Variants in APBB2 observed in about 807,000 individuals in gnomAD.
APBB2 encodes amyloid beta precursor protein binding family B member 2.
In APBB2, 38 loss-of-function variants were observed where a neutral mutation model predicts 82.5. The ratio of observed to expected loss-of-function variants is 0.46; its 90% CI spans 0.36 to 0.60. APBB2 has a LOEUF of 0.60. Ranked by LOEUF, APBB2 falls within the 20% of genes least tolerant of loss-of-function variation. The pLI, the probability that APBB2 is intolerant of heterozygous loss-of-function variation, is 0.00. For missense variants in APBB2, 772 were observed against 972.3 expected (o/e 0.79, Z 2.74); for synonymous variants, 341 against 368.2 (o/e 0.93, Z 0.85).
chr4:40,862,843 T>G, intron 12 of APBB2, among the ~76,000 whole-genome samples: 3 of 123,322 alleles, frequency 2.4e-5, no homozygotes, highest in South Asian at 2.5e-4. Flanking sequence ...TGGGCGAGAG[T>G]GAGACTCCAT....
At chr4:41,200,101 A>G (rs1470416576) in intron 1 of APBB2, among the ~76,000 whole-genome samples, 1 of 152,224 alleles carries the variant, frequency 6.6e-6, no homozygotes, top group Non-Finnish European at 1.5e-5. Context: ...AAATGAATAT[A>G]TTACGCTAGC....
chr4:41,017,388 T>A lies in APBB2; in HGVS notation c.20-2990A>T, dbSNP rs115069059. 2.7e-3 allele frequency among the ~76,000 whole-genome samples: 415 copies of A among 152,128 alleles called. 4 individuals carry two copies. The highest frequency in any genetic ancestry group is 9.5e-3 in the African/African-American group (392 of 41,480). ...TAGGAAGTCCTTGGGCTCAAAAGGG[T>A]CATGAAGTAGCTACAGGTTAGCAAA... On this transcript the variant is annotated intron_variant, in intron 5 of 17. Transcript: ENST00000508593.
chr4:40,952,517 C>T (rs574567728), intron 6 of APBB2, among the ~76,000 whole-genome samples: 1 of 152,086 alleles, frequency 6.6e-6, no homozygotes, highest in South Asian at 2.1e-4. Flanking sequence ...CCTCATTCTC[C>T]ATTTTTAAGT....
At chr4:40,892,632 C>G (rs941689141) in intron 11 of APBB2, 2 of 152,216 alleles carry the variant, frequency 1.3e-5, no homozygotes, top group African/African-American at 4.8e-5. Context: ...CCACAGGTCT[C>G]AGAGCACACC....
intron 12 of APBB2, among the ~76,000 whole-genome samples, chr4:40,845,141 G>A (rs1234472318): frequency 6.6e-6 from 1 of 152,190 alleles, no homozygotes; most frequent in Non-Finnish European, 1.5e-5. Context: ...AACACTGCTT[G>A]ATTTAAGTAT....
chr4:40,896,523 T>C (rs895723009), intron 10 of APBB2, among the ~76,000 whole-genome samples: 4 of 152,040 alleles, frequency 2.6e-5, no homozygotes, highest in Non-Finnish European at 5.9e-5. Context: ...CTTCAGAGGG[T>C]TTTCATGAGG....
chr4:40,888,050 AC>A (rs1359248639), intron 12 of APBB2, among the ~76,000 whole-genome samples: 2 of 151,606 alleles, frequency 1.3e-5, no homozygotes, highest in Non-Finnish European at 1.5e-5. Flanking sequence ...CTGCGGTCTG[AC>A]TCCTCTCCGA....
intron 12 of APBB2, among the ~76,000 whole-genome samples, chr4:40,851,405 T>TA (rs935056971): frequency 1.3e-5 from 2 of 152,192 alleles, no homozygotes; most frequent in Non-Finnish European, 2.9e-5. Context: ...TGATGGCTCT[T>TA]ACAGTGTTTT....
At chr4:41,009,044 T>C (rs1227993769) in intron 6 of APBB2, among the ~76,000 whole-genome samples, 1 of 152,238 alleles carries the variant, frequency 6.6e-6, no homozygotes, top group Non-Finnish European at 1.5e-5. Context: ...TAAAATTACA[T>C]GTGGGTACCA....
chr4:41,126,343 T>C (rs1395482399), intron 2 of APBB2, among the ~76,000 whole-genome samples: 1 of 152,026 alleles, frequency 6.6e-6, no homozygotes, highest in African/African-American at 2.4e-5. Context: ...GTTTCACACC[T>C]CTGCACTCCA....
At chr4:41,050,530 A>G (rs1725556646) in intron 4 of APBB2, among the ~76,000 whole-genome samples, 2 of 152,180 alleles carry the variant, frequency 1.3e-5, no homozygotes, top group Non-Finnish European at 1.5e-5. Flanking sequence ...AGTTCCCTTC[A>G]TCTTTCCTAT....
At chr4:40,882,950 G>A (rs1407939527) in intron 12 of APBB2, among the ~76,000 whole-genome samples, 1 of 152,168 alleles carries the variant, frequency 6.6e-6, no homozygotes, top group African/African-American at 2.4e-5. Context: ...GGTGTGAACG[G>A]AATGTGAGTG....
intron 7 of APBB2, chr4:40,935,749 A>G (rs934976245): frequency 1.3e-5 from 2 of 152,208 alleles, no homozygotes; most frequent in African/African-American, 4.8e-5. Flanking sequence ...TCTCTAATTC[A>G]TAAAAGCTCT....
intron 1 of APBB2, among the ~76,000 whole-genome samples, chr4:41,152,631 A>C (rs530212291): frequency 4.6e-5 from 7 of 152,206 alleles, no homozygotes; most frequent in Admixed American, 4.6e-4. Context: ...CCCGGCCTTC[A>C]CTTGTTTCTG....
intron 12 of APBB2, among the ~76,000 whole-genome samples, chr4:40,855,931 T>G (rs992640895): frequency 3.9e-5 from 6 of 152,202 alleles, no homozygotes; most frequent in African/African-American, 1.4e-4. Flanking sequence ...ATTCTGCTTC[T>G]AACTTCTTAG....
chr4:40,827,064 T>C (rs1293705735), intron 14 of APBB2, 68 bp downstream of exon 14: 6 of 1,421,498 alleles, frequency 4.2e-6, no homozygotes, highest in Non-Finnish European at 4.9e-6. Context: ...GAGAACCATC[T>C]GAGAGCCTTC....
intron 4 of APBB2, among the ~76,000 whole-genome samples, chr4:41,039,281 A>T (rs1230679407): frequency 6.6e-6 from 1 of 152,240 alleles, no homozygotes; most frequent in Non-Finnish European, 1.5e-5. Flanking sequence ...AAATTCAAGT[A>T]GTGGACCCCT....
At chr4:40,977,758 A>G (rs1458309478) in intron 6 of APBB2, among the ~76,000 whole-genome samples, 1 of 152,240 alleles carries the variant, frequency 6.6e-6, no homozygotes, top group Non-Finnish European at 1.5e-5. Context: ...GTCCGAGGCT[A>G]GGAATGACTA....
intron 6 of APBB2, among the ~76,000 whole-genome samples, chr4:40,991,779 A>T (rs1354162436): frequency 2.6e-5 from 4 of 152,136 alleles, no homozygotes; most frequent in Non-Finnish European, 5.9e-5. Flanking sequence ...TTGGTTTTCT[A>T]GGATTTTTTT....
Sources: gnomAD v4.1 joint callset for allele counts (sites outside exome capture counted in the v4.1 genomes callset) on GRCh38, gnomAD v4.1.1 for gene constraint, MANE v1.5 for transcripts, NCBI Gene and HGNC (gene_info 2026-07-23, HGNC 2026-07-21) for gene names.